The following CNTN5 variants were observed in gnomAD, a reference collection of about 807,000 sequenced individuals.
CNTN5 encodes contactin-5.
Under a neutral mutation model 129.1 loss-of-function variants are expected in CNTN5, and 77 were observed. The observed-to-expected ratio is 0.60, with a 90% CI of 0.50 to 0.72. CNTN5 has a LOEUF of 0.72. Ranked by LOEUF, CNTN5 falls within the 30% of genes least tolerant of loss-of-function variation. The probability of loss-of-function intolerance (pLI) is 0.00; values close to 1 mark genes in which losing one functional copy is unlikely to be tolerated. For synonymous variants in CNTN5, 509 were observed against 465.6 expected, an observed-to-expected ratio of 1.09 and a Z score of -1.20; for missense variants, 1,478 against 1,328.8, an observed-to-expected ratio of 1.11 and a Z score of -1.75.
intron 3 of CNTN5, among the ~76,000 whole-genome samples, chr11:99,723,827 G>T (rs1476753518): frequency 5.9e-5 from 9 of 152,026 alleles, no homozygotes; most frequent in African/African-American, 1.9e-4. Flanking sequence ...TTATGGGATA[G>T]ATCTTATAAT....
chr11:99,978,870 G>A (rs1938164628), intron 8 of CNTN5, among the ~76,000 whole-genome samples: 1 of 152,184 alleles, frequency 6.6e-6, no homozygotes. Flanking sequence ...GAATTGTGAT[G>A]ATCATCATCA....
At chr11:99,559,839 T>A (rs1948783175) in intron 3 of CNTN5, among the ~76,000 whole-genome samples, 1 of 152,154 alleles carries the variant, frequency 6.6e-6, no homozygotes, top group South Asian at 2.1e-4. Flanking sequence ...TGGAATTCTA[T>A]ACAATGGAAT....
At chr11:99,265,200 T>C in intron 1 of CNTN5, among the ~76,000 whole-genome samples, 1 of 130,868 alleles carries the variant, frequency 7.6e-6, no homozygotes, top group East Asian at 2.6e-4. Flanking sequence ...GGAATGAGAA[T>C]AATATTGCAG....
At chr11:99,832,387 C>T (rs1401533480) in intron 4 of CNTN5, among the ~76,000 whole-genome samples, 1 of 152,128 alleles carries the variant, frequency 6.6e-6, no homozygotes, top group African/African-American at 2.4e-5. Context: ...ATTACTGCAT[C>T]CTCTGACCTC....
At chr11:100,050,710 TA>T (rs1942912544) in intron 9 of CNTN5, among the ~76,000 whole-genome samples, 1 of 151,970 alleles carries the variant, frequency 6.6e-6, no homozygotes, top group Non-Finnish European at 1.5e-5. Context: ...AATGATTTTT[TA>T]TATATGAAGA....
chr11:99,119,897 C>T (rs1591224365), intron 1 of CNTN5, among the ~76,000 whole-genome samples: 1 of 151,994 alleles, frequency 6.6e-6, no homozygotes, highest in East Asian at 1.9e-4. Context: ...GTTTTTCTTT[C>T]GTATGTTTTG....
At chr11:99,382,958 A>C (rs989730648) in intron 2 of CNTN5, among the ~76,000 whole-genome samples, 3 of 138,030 alleles carry the variant, frequency 2.2e-5, no homozygotes, top group African/African-American at 8.2e-5. Context: ...CCAGGTTCAA[A>C]CAATTCTCCT....
At chr11:99,707,999 ATAT>A (rs550669287) in intron 3 of CNTN5, among the ~76,000 whole-genome samples, 4 of 151,608 alleles carry the variant, frequency 2.6e-5, no homozygotes, top group Non-Finnish European at 5.9e-5. Flanking sequence ...AGGTCTGCAG[ATAT>A]TATTAATATA....
chr11:99,990,766 T>C (rs776593091), intron 8 of CNTN5, among the ~76,000 whole-genome samples: 5 of 152,184 alleles, frequency 3.3e-5, no homozygotes, highest in African/African-American at 4.8e-5. Flanking sequence ...TTCTAAATGA[T>C]TAGAATTTCC....
At chr11:100,018,271 T>TA (rs1433515897) in intron 9 of CNTN5, among the ~76,000 whole-genome samples, 1 of 151,892 alleles carries the variant, frequency 6.6e-6, no homozygotes, top group Admixed American at 6.6e-5. Context: ...ACCTACCTAT[T>TA]AACATTTCTA....
chr11:100,161,164 C>G (rs1947432266), intron 13 of CNTN5, among the ~76,000 whole-genome samples: 1 of 151,598 alleles, frequency 6.6e-6, no homozygotes, highest in African/African-American at 2.4e-5. Flanking sequence ...GATAATAAAC[C>G]AATACAATTT....
chr11:99,093,105 G>A (rs1272482008), intron 1 of CNTN5, among the ~76,000 whole-genome samples: 2 of 151,920 alleles, frequency 1.3e-5, no homozygotes, highest in East Asian at 3.9e-4. Context: ...AGCACATATA[G>A]GAGGGACCCT....
intron 3 of CNTN5, among the ~76,000 whole-genome samples, chr11:99,573,661 C>T (rs189052998): frequency 6.6e-6 from 1 of 152,094 alleles, no homozygotes; most frequent in East Asian, 2.0e-4. Flanking sequence ...GACGGAGTCT[C>T]GCTCTATTGC....
chr11:99,668,962 G>A (rs1952916826), intron 3 of CNTN5, among the ~76,000 whole-genome samples: 1 of 151,992 alleles, frequency 6.6e-6, no homozygotes, highest in Non-Finnish European at 1.5e-5. Context: ...CCAACTGGGG[G>A]GAAAAGCTGA....
At position 100,070,580 on chromosome 11, in the gene CNTN5, A is replaced by T. The variant is rs959855511; in HGVS notation, c.1299+20A>T. The T allele has an allele frequency of 1.9e-6, 3 of 1,611,456 alleles. No homozygotes were observed. The African/African-American group carries it at 4.0e-5, about 22-fold the overall frequency. On this transcript the variant is annotated intron_variant, in intron 11 of 24. Transcript: ENST00000524871. The stretch of plus-strand genomic sequence containing the variant: ...CCTCAGGTACTGTTGGGAGTTATTA[A>T]CCTGTTCTGCTGTAATTTTAGCGAG...
intron 18 of CNTN5, among the ~76,000 whole-genome samples, chr11:100,290,296 T>G (rs1305349964): frequency 2.6e-5 from 4 of 152,024 alleles, no homozygotes; most frequent in African/African-American, 7.3e-5. Context: ...CCTGCATTGC[T>G]AAGTCAATCC....
chr11:99,992,641 A>T (rs981606613), intron 8 of CNTN5, among the ~76,000 whole-genome samples: 1 of 152,208 alleles, frequency 6.6e-6, no homozygotes, highest in Non-Finnish European at 1.5e-5. Context: ...AAATTTTAAT[A>T]AGTTGTCCAG....
chr11:100,065,749 C>T (rs982850311), intron 10 of CNTN5, among the ~76,000 whole-genome samples: 3 of 151,924 alleles, frequency 2.0e-5, no homozygotes, highest in African/African-American at 7.3e-5. Context: ...AGAATGGCAT[C>T]GAGAGCAGAT....
At chr11:99,645,234 T>TG (rs1415071079) in intron 3 of CNTN5, among the ~76,000 whole-genome samples, 2 of 109,326 alleles carry the variant, frequency 1.8e-5, no homozygotes, top group Non-Finnish European at 3.3e-5. Context: ...CACTCCAGCC[T>TG]GGGCAACAGA....
Sources: gnomAD v4.1 joint callset for allele counts (sites outside exome capture counted in the v4.1 genomes callset) on GRCh38, gnomAD v4.1.1 for gene constraint, MANE v1.5 for transcripts, NCBI Gene and HGNC (gene_info 2026-07-23, HGNC 2026-07-21) for gene names.